The following UBTD1 variants were observed in gnomAD, a reference collection of about 807,000 sequenced individuals.
UBTD1 encodes the protein ubiquitin domain containing 1.
In UBTD1, 19 loss-of-function variants were observed where a neutral mutation model predicts 21.7. The observed-to-expected ratio is 0.87, with a 90% CI of 0.61 to 1.28. The LOEUF (loss-of-function observed/expected upper bound fraction) is 1.28. UBTD1 is among the 50% of genes most tolerant of loss of function. The pLI is 0.00. For synonymous variants in UBTD1, 116 were observed against 135.1 expected, an observed-to-expected ratio of 0.86 and a Z score of 0.98; for missense variants, 282 against 315.1, an observed-to-expected ratio of 0.89 and a Z score of 0.80.
intron 1 of UBTD1, among the ~76,000 whole-genome samples, chr10:97,519,618 T>G (rs2135663198): frequency 6.6e-6 from 1 of 151,910 alleles, no homozygotes; most frequent in South Asian, 2.1e-4. Flanking sequence ...GTGTGAAATT[T>G]GAAAAGCATA....
intron 1 of UBTD1, among the ~76,000 whole-genome samples, chr10:97,564,205 C>G (rs1335210063): frequency 6.6e-6 from 1 of 152,162 alleles, no homozygotes; most frequent in East Asian, 1.9e-4. Flanking sequence ...TGGCGAGTTT[C>G]CTGTCTAGCC....
chr10:97,528,331 C>T (rs1348058168), intron 1 of UBTD1, among the ~76,000 whole-genome samples: 1 of 133,364 alleles, frequency 7.5e-6, no homozygotes, highest in Admixed American at 7.1e-5. Context: ...CCGGACGGGG[C>T]GGCTCGCCTG....
At chr10:97,564,739 T>C (rs2040709616) in intron 1 of UBTD1, among the ~76,000 whole-genome samples, 1 of 152,152 alleles carries the variant, frequency 6.6e-6, no homozygotes, top group Admixed American at 6.5e-5. Flanking sequence ...AATTTTTGTA[T>C]TTTTAGTAGA....
chr10:97,525,899 A>T (rs1285701357), intron 1 of UBTD1, among the ~76,000 whole-genome samples: 5 of 152,226 alleles, frequency 3.3e-5, no homozygotes, highest in Admixed American at 2.6e-4. Flanking sequence ...TTTTGGAAAG[A>T]CTTGATTTCC....
intron 1 of UBTD1, among the ~76,000 whole-genome samples, chr10:97,502,918 TA>T (rs1158223437): frequency 6.8e-5 from 9 of 132,020 alleles, no homozygotes; most frequent in South Asian, 2.7e-4. Flanking sequence ...TGTATATATA[TA>T]TTTTTTTTTT....
intron 1 of UBTD1, among the ~76,000 whole-genome samples, chr10:97,550,888 C>T (rs2040633889): frequency 6.6e-6 from 1 of 152,196 alleles, no homozygotes; most frequent in African/African-American, 2.4e-5. Context: ...GGCCAAACCA[C>T]AGCATCCACC....
At chr10:97,546,694 C>T (rs953540711) in intron 1 of UBTD1, among the ~76,000 whole-genome samples, 1 of 151,984 alleles carries the variant, frequency 6.6e-6, no homozygotes, top group South Asian at 2.1e-4. Context: ...TTCTGTTCCT[C>T]TCTAGTGGGC....
intron 1 of UBTD1, among the ~76,000 whole-genome samples, chr10:97,565,299 C>T (rs2040711978): frequency 6.6e-6 from 1 of 152,186 alleles, no homozygotes; most frequent in African/African-American, 2.4e-5. Context: ...TGATTCTTTT[C>T]TAGGAACATC....
intron 1 of UBTD1, among the ~76,000 whole-genome samples, chr10:97,552,428 T>G (rs927090566): frequency 2.2e-5 from 3 of 138,228 alleles, no homozygotes; most frequent in African/African-American, 7.9e-5. Flanking sequence ...CACAGTCTCG[T>G]TCTGTGACCC....
intron 1 of UBTD1, among the ~76,000 whole-genome samples, chr10:97,545,387 C>CTT (rs1554866776): frequency 8.3e-6 from 1 of 120,716 alleles, no homozygotes; most frequent in African/African-American, 3.9e-5. Flanking sequence ...GTATGGGGCT[C>CTT]GTGTGTGTGT....
chr10:97,517,082 G>A (rs2040447813), intron 1 of UBTD1, among the ~76,000 whole-genome samples: 1 of 152,178 alleles, frequency 6.6e-6, no homozygotes, highest in East Asian at 1.9e-4. Flanking sequence ...ATAGAAGACA[G>A]GGAGACCACC....
intron 1 of UBTD1, among the ~76,000 whole-genome samples, chr10:97,556,828 C>T (rs1381625371): frequency 6.6e-6 from 1 of 152,188 alleles, no homozygotes; most frequent in Non-Finnish European, 1.5e-5. Context: ...TGGGTGGGCC[C>T]AAACAGTCTG....
intron 1 of UBTD1, among the ~76,000 whole-genome samples, chr10:97,518,482 A>T (rs1007823113): frequency 6.6e-6 from 1 of 152,048 alleles, no homozygotes; most frequent in Non-Finnish European, 1.5e-5. Flanking sequence ...CCTGGCTTCT[A>T]TGTGTGTCTT....
chr10:97,507,079 T>A (rs2040402434), intron 1 of UBTD1, among the ~76,000 whole-genome samples: 1 of 152,260 alleles, frequency 6.6e-6, no homozygotes, highest in African/African-American at 2.4e-5. Flanking sequence ...ATTCTATTTT[T>A]ACTTTTTTGA....
chr10:97,555,720 G>T (rs571438131), intron 1 of UBTD1, among the ~76,000 whole-genome samples: 4 of 152,190 alleles, frequency 2.6e-5, no homozygotes, highest in Non-Finnish European at 5.9e-5. Flanking sequence ...AGGGAGTTTC[G>T]CAGTGTTCTT....
chr10:97,544,126 A>AT (rs1368166179), intron 1 of UBTD1, among the ~76,000 whole-genome samples: 1 of 152,052 alleles, frequency 6.6e-6, no homozygotes, highest in African/African-American at 2.4e-5. Flanking sequence ...TACTAAAAAA[A>AT]TTTAAAAAAA....
chr10:97,561,597 A>G (rs1407603749), intron 1 of UBTD1, among the ~76,000 whole-genome samples: 1 of 152,166 alleles, frequency 6.6e-6, no homozygotes, highest in African/African-American at 2.4e-5. Context: ...ATGTTCTTCT[A>G]TACAATGTCT....
chr10:97,553,360 A>G (rs1218145897), intron 1 of UBTD1, among the ~76,000 whole-genome samples: 4 of 152,004 alleles, frequency 2.6e-5, no homozygotes, highest in Admixed American at 2.6e-4. Flanking sequence ...CGAACTCCTG[A>G]CCTCAGGTGA....
At position 97,524,471 on chromosome 10, in the gene UBTD1, G is replaced by A. The variant is rs1032861684; in HGVS notation, c.70+25198G>A. On this transcript the variant is annotated intron_variant, in intron 1 of 2. Coordinates refer to ENST00000370664, the MANE Select transcript of UBTD1 (RefSeq NM_024954.5). ...CCCCTCTTCCTGATACTCCCAAATCGTAGGGGTTGGCTGGGAACAGGATTC... is the reference window on the plus strand; with the variant it reads ...CCCCTCTTCCTGATACTCCCAAATCATAGGGGTTGGCTGGGAACAGGATTC... Among the ~76,000 whole-genome samples the A allele has an allele frequency of 8.5e-5, 13 of 152,222 alleles. No homozygotes were observed. In the East Asian group the frequency reaches 1.5e-3, roughly 18 times the overall value.
Sources: allele counts gnomAD v4.1 joint callset (sites outside exome capture counted in the v4.1 genomes callset), GRCh38; gene constraint gnomAD v4.1.1; transcripts MANE v1.5; gene names NCBI Gene and HGNC (gene_info 2026-07-23, HGNC 2026-07-21).